The following SETBP1 variants were observed in gnomAD, a reference collection of about 807,000 sequenced individuals.
SETBP1 encodes SET-binding protein.
SETBP1 carries 9 observed loss-of-function variants against 101.0 expected under a neutral mutation model. The observed-to-expected ratio is 0.09, with a 90% CI of 0.05 to 0.16. The LOEUF is 0.16. Among genes scored for constraint, SETBP1 ranks in the 10% least tolerant of loss-of-function variants. SETBP1 has a pLI of 1.00. For missense variants in SETBP1, 1,858 were observed against 2,033.8 expected (o/e 0.91, Z 1.66); for synonymous variants, 818 against 788.5 (o/e 1.04, Z -0.63).
rs1204895249 is a variant in SETBP1 at position 44,749,846 on chromosome 18, C to T, written c.486+48014C>T. ...GTTGTTACAGCCATATGTGTTCATT[C>T]ACTTGTTGTTTTCTGACTTCTCTGA... is the stretch of plus-strand genomic sequence containing the variant. On this transcript the variant is annotated intron_variant, in intron 2 of 5. Coordinates refer to ENST00000649279, the MANE Select transcript of SETBP1 (RefSeq NM_015559.3). Among the ~76,000 whole-genome samples, 8 of 152,160 alleles carry T rather than the reference C, an allele frequency of 5.3e-5. No homozygotes were observed. In the East Asian group the frequency reaches 1.3e-3, roughly 26 times the overall value.
intron 1 of SETBP1, among the ~76,000 whole-genome samples, chr18:44,695,169 G>A (rs1419189368): frequency 6.6e-6 from 1 of 152,132 alleles, no homozygotes; most frequent in African/African-American, 2.4e-5. Flanking sequence ...GAGAGAAAAT[G>A]ATAGAAATGG....
intron 2 of SETBP1, among the ~76,000 whole-genome samples, chr18:44,811,978 C>T (rs911266071): frequency 6.6e-6 from 1 of 152,182 alleles, no homozygotes; most frequent in African/African-American, 2.4e-5. Flanking sequence ...ATCCCATTCC[C>T]CATAGAAATT....
At chr18:45,033,839 A>G (rs1367795048) in intron 4 of SETBP1, among the ~76,000 whole-genome samples, 2 of 152,334 alleles carry the variant, frequency 1.3e-5, no homozygotes, top group East Asian at 3.9e-4. Flanking sequence ...AATCTAGATC[A>G]TCCCACCTCT....
rs2071277045 is a variant in SETBP1, at chr18:44,787,877, A to AG, written c.487-81353_487-81352insG. ...GTCCGTCTCAAAAAAAAAAAAAAAAAAAAGAAAATTGTTCTCTAAGGAAAA... is the reference window on the plus strand; with the variant it reads ...GTCCGTCTCAAAAAAAAAAAAAAAAAGAAAGAAAATTGTTCTCTAAGGAAAA... On this transcript the variant is annotated intron_variant, in intron 2 of 5. Transcript: ENST00000649279. Among the ~76,000 whole-genome samples, 3 of 130,356 alleles carry AG rather than the reference A, an allele frequency of 2.3e-5. No individual in the cohort carries two copies. The Admixed American group carries it at 2.3e-4, about 10-fold the overall frequency. The allele number at this position is 130,356 out of a possible 152,430, so 85.5% of individuals were successfully genotyped here.
At position 44,743,088 on chromosome 18, in the gene SETBP1, C is replaced by T. The variant is rs556750640; in HGVS notation, c.486+41256C>T. 4.6e-5 allele frequency among the ~76,000 whole-genome samples: 7 copies of T among 151,622 alleles called. No homozygotes were observed. The South Asian group carries it at 6.3e-4, about 14-fold the overall frequency. On this transcript the variant is annotated intron_variant, in intron 2 of 5. Transcript: ENST00000649279. ...ACCTTCCTCCCTTTCTCTCTCTCTCCTCTTCTCTCTCCTAGCCCTGCTTCC... is the reference window on the plus strand; with the variant it reads ...ACCTTCCTCCCTTTCTCTCTCTCTCTTCTTCTCTCTCCTAGCCCTGCTTCC...
chr18:44,782,537 TG>T (rs2071152755), intron 2 of SETBP1, among the ~76,000 whole-genome samples: 1 of 152,174 alleles, frequency 6.6e-6, no homozygotes, highest in South Asian at 2.1e-4. Flanking sequence ...GAAAGTTTCC[TG>T]GCTGTATGGA....
chr18:44,879,784 G>A (rs2069488559), intron 3 of SETBP1, among the ~76,000 whole-genome samples: 1 of 152,148 alleles, frequency 6.6e-6, no homozygotes, highest in Admixed American at 6.5e-5. Flanking sequence ...ATGCGTAGGG[G>A]CCATTTGACC....
At chr18:44,842,404 T>A (rs1157703003) in intron 2 of SETBP1, among the ~76,000 whole-genome samples, 2 of 152,176 alleles carry the variant, frequency 1.3e-5, no homozygotes, top group Non-Finnish European at 2.9e-5. Context: ...CCGTAAATTG[T>A]CAAATTTTAT....
At chr18:44,778,110 A>G (rs765845444) in intron 2 of SETBP1, among the ~76,000 whole-genome samples, 1 of 152,184 alleles carries the variant, frequency 6.6e-6, no homozygotes, top group Admixed American at 6.5e-5. Flanking sequence ...TTCTCCCTGA[A>G]AGAGCCAGTG....
chr18:45,040,364 A>G (rs1388609455), intron 5 of SETBP1, among the ~76,000 whole-genome samples: 3 of 152,158 alleles, frequency 2.0e-5, no homozygotes, highest in Non-Finnish European at 4.4e-5. Context: ...CAAAGGGATC[A>G]AGTTGGGCAG....
chr18:44,828,496 T>C (rs1321762719), intron 2 of SETBP1, among the ~76,000 whole-genome samples: 1 of 152,274 alleles, frequency 6.6e-6, no homozygotes, highest in African/African-American at 2.4e-5. Flanking sequence ...ATTTTTTATC[T>C]ATTCCAATCT....
At chr18:44,810,739 G>A (rs2071844140) in intron 2 of SETBP1, among the ~76,000 whole-genome samples, 2 of 152,078 alleles carry the variant, frequency 1.3e-5, no homozygotes, top group Admixed American at 1.3e-4. Context: ...CTGGGTTGAG[G>A]GAATGAGGAA....
At chr18:44,913,475 G>A (rs1188433664) in intron 3 of SETBP1, among the ~76,000 whole-genome samples, 1 of 152,240 alleles carries the variant, frequency 6.6e-6, no homozygotes, top group African/African-American at 2.4e-5. Context: ...GACATGCATA[G>A]AGGGTGCAGG....
intron 2 of SETBP1, among the ~76,000 whole-genome samples, chr18:44,769,800 A>G (rs1310720944): frequency 6.6e-6 from 1 of 152,252 alleles, no homozygotes; most frequent in Non-Finnish European, 1.5e-5. Flanking sequence ...TCTTGCTGGC[A>G]TCTTCAGCCA....
intron 2 of SETBP1, among the ~76,000 whole-genome samples, chr18:44,849,482 A>G (rs1240765598): frequency 6.6e-6 from 1 of 152,214 alleles, no homozygotes; most frequent in African/African-American, 2.4e-5. Flanking sequence ...CTTCAGCAGT[A>G]TGAGCCCGGG....
intron 2 of SETBP1, among the ~76,000 whole-genome samples, chr18:44,851,076 T>C (rs2072846809): frequency 6.6e-6 from 1 of 152,226 alleles, no homozygotes; most frequent in African/African-American, 2.4e-5. Context: ...CCTCTGGACC[T>C]TTGGTCTGGC....
Position 45,029,327 on chromosome 18 carries a change from T to C in SETBP1, c.4001-9158T>C, listed in dbSNP as rs545577298. ...GTCAAAGATCAGATAGTTGTAGATA[T>C]GCGGCATTATTTCTGAGGGCTCTGT... On this transcript the variant is annotated intron_variant, in intron 4 of 5. Transcript: ENST00000649279. Among the ~76,000 whole-genome samples the C allele has an allele frequency of 1.8e-3, 269 of 152,116 alleles. 2 individuals are homozygous for C. The highest frequency in any genetic ancestry group is 3.4e-3 in the Middle Eastern group (1 of 294).
chr18:44,937,454 C>CAAA (rs34414710), intron 3 of SETBP1, among the ~76,000 whole-genome samples: 72 of 83,248 alleles, frequency 8.6e-4, no homozygotes, highest in East Asian at 2.3e-3. Flanking sequence ...GACTCCGTCT[C>CAAA]AAAAAAAAAA....
chr18:44,881,748 G>A (rs1413301563), intron 3 of SETBP1, among the ~76,000 whole-genome samples: 1 of 152,164 alleles, frequency 6.6e-6, no homozygotes, highest in Non-Finnish European at 1.5e-5. Flanking sequence ...TGAGATGGAG[G>A]CAGGGGCAGG....
Sources: gnomAD v4.1 joint callset for allele counts (sites outside exome capture counted in the v4.1 genomes callset) on GRCh38, gnomAD v4.1.1 for gene constraint, MANE v1.5 for transcripts, NCBI Gene and HGNC (gene_info 2026-07-23, HGNC 2026-07-21) for gene names.